Variants in UBXN7 observed in about 807,000 individuals in gnomAD.
UBXN7 encodes the protein UBX domain-containing protein 7.
Under a neutral mutation model 58.0 loss-of-function variants are expected in UBXN7, and 9 were observed. That is an observed-to-expected ratio of 0.16 (90% CI 0.09 to 0.27). The LOEUF is 0.27. Ranked by LOEUF, UBXN7 falls within the 10% of genes least tolerant of loss-of-function variation. The pLI is 1.00. For missense variants in UBXN7, 328 were observed against 599.6 expected, an observed-to-expected ratio of 0.55 and a Z score of 4.73; for synonymous variants, 208 against 205.0, an observed-to-expected ratio of 1.01 and a Z score of -0.12.
At chr3:196,432,138 GC>G in intron 1 of UBXN7, 188 bp downstream of exon 1, 1 of 756,754 alleles carries the variant, frequency 1.3e-6, no homozygotes, top group East Asian at 2.7e-5. Context: ...GGTATCGGGA[GC>G]GGGGGGGGGC....
intron 5 of UBXN7, among the ~76,000 whole-genome samples, chr3:196,380,182 G>A (rs1007139943): frequency 4.6e-5 from 7 of 151,918 alleles, no homozygotes; most frequent in Non-Finnish European, 8.8e-5. Context: ...CCTAGGAGGT[G>A]GAGCGTGCAG....
chr3:196,395,862 T>TTCAAGGCATTCTCCTGCC (rs1289442984), intron 3 of UBXN7, among the ~76,000 whole-genome samples: 3 of 151,944 alleles, frequency 2.0e-5, no homozygotes, highest in African/African-American at 7.3e-5. Flanking sequence ...GCCTCCCAGG[T>TTCAAGGCATTCTCCTGCC]TCAAGGCATT....
In UBXN7 at chr3:196,407,505, AGAAT is replaced by A. The variant is rs1330665212; in HGVS notation, c.74-116_74-113del. 11 of 1,389,532 alleles carry A rather than the reference AGAAT, an allele frequency of 7.9e-6. No homozygotes were observed. The South Asian group carries it at 9.5e-5, about 12-fold the overall frequency. 86.1% of individuals were successfully genotyped at this position (1,389,532 alleles called of 1,614,324 possible). On this transcript the variant is annotated intron_variant, in intron 1 of 10. Coordinates refer to ENST00000296328, the MANE Select transcript of UBXN7 (RefSeq NM_015562.2). The stretch of plus-strand genomic sequence containing the variant: ...TAAATTAATAGTATTTTTCCCTTTT[AGAAT>A]GAATGACTTTCTTGTGAAATACACA...
At chr3:196,371,779 A>C in intron 6 of UBXN7, 117 bp downstream of exon 6, 3 of 1,304,202 alleles carry the variant, frequency 2.3e-6, no homozygotes, top group Non-Finnish European at 2.0e-6. Flanking sequence ...TACTGCCCCC[A>C]GCCGGCTTTA....
At chr3:196,430,990 C>T (rs1444243623) in intron 1 of UBXN7, among the ~76,000 whole-genome samples, 1 of 152,124 alleles carries the variant, frequency 6.6e-6, no homozygotes, top group African/African-American at 2.4e-5. Flanking sequence ...TTACTTTGAC[C>T]TGATGTTCCA....
chr3:196,409,785 C>T (rs1476628141), intron 1 of UBXN7, among the ~76,000 whole-genome samples: 1 of 152,068 alleles, frequency 6.6e-6, no homozygotes, highest in African/African-American at 2.4e-5. Flanking sequence ...TGCTAAGGCC[C>T]CAAGCTTTCT....
chr3:196,353,456 C>CT lies in UBXN7; in HGVS notation c.*3228dup, dbSNP rs1164140126. ...CAATTTCAAAAAAGTATTCCTCTCA[C>CT]TTTTTTCCCACTAGTTTTCTTCTTC... is the stretch of plus-strand genomic sequence containing the variant. On this transcript the variant is annotated 3_prime_UTR_variant, in exon 11 of 11. Transcript: ENST00000296328. 1 of 151,202 alleles carries CT rather than the reference C, an allele frequency of 6.6e-6. No homozygotes were observed. Among genetic ancestry groups the CT allele is most frequent in the African/African-American group, 2.4e-5 (1 of 41,172 alleles). 9.4% of individuals were successfully genotyped at this position (151,202 alleles called of 1,614,324 possible).
chr3:196,425,360 T>C (rs1021601317), intron 1 of UBXN7, among the ~76,000 whole-genome samples: 1 of 151,760 alleles, frequency 6.6e-6, no homozygotes, highest in Non-Finnish European at 1.5e-5. Flanking sequence ...TCTTCTCCAT[T>C]ATAGCCAAGT....
chr3:196,375,001 AGGG>A, intron 5 of UBXN7, among the ~76,000 whole-genome samples: 1 of 80,970 alleles, frequency 1.2e-5, no homozygotes, highest in African/African-American at 5.0e-5. Flanking sequence ...GGAGGGAGGG[AGGG>A]AGGAAGGAAG....
intron 1 of UBXN7, among the ~76,000 whole-genome samples, chr3:196,411,229 C>G (rs1326146662): frequency 2.0e-5 from 3 of 152,172 alleles, no homozygotes; most frequent in Non-Finnish European, 4.4e-5. Context: ...TATCTCCCAG[C>G]ACCTGGCATC....
chr3:196,421,175 G>A (rs1032047103), intron 1 of UBXN7, among the ~76,000 whole-genome samples: 2 of 152,190 alleles, frequency 1.3e-5, no homozygotes, highest in African/African-American at 4.8e-5. Context: ...GAATTACTAA[G>A]TTAGGGGACA....
intron 3 of UBXN7, among the ~76,000 whole-genome samples, chr3:196,395,955 G>C (rs1403229211): frequency 6.6e-6 from 1 of 151,898 alleles, no homozygotes; most frequent in Non-Finnish European, 1.5e-5. Context: ...TAGTAGGGAG[G>C]GGGTTTCACC....
At position 196,348,664 on chromosome 3, in the gene UBXN7, C is replaced by T. The variant is rs1248862646; in HGVS notation, c.*8021G>A. 1.3e-5 allele frequency: 2 copies of T among 152,148 alleles called. No individual in the cohort carries two copies. Among genetic ancestry groups the T allele is most frequent in the African/African-American group, 4.8e-5 (2 of 41,418 alleles). The allele number at this position is 152,148 out of a possible 1,614,324, so 9.4% of individuals were successfully genotyped here. A position where few individuals can be genotyped will look rare whatever the true frequency, so the allele number is the denominator to read the frequency against. On this transcript the variant is annotated 3_prime_UTR_variant, in exon 11 of 11. Transcript: ENST00000296328. Reference sequence around the variant, plus strand: ...CAAGCCCCCAACCCACCCTCATCATCCCTATCCCCCTAGAAATTTCATTCC... The same window carrying T: ...CAAGCCCCCAACCCACCCTCATCATTCCTATCCCCCTAGAAATTTCATTCC...
rs1728300154 is a variant in UBXN7 at position 196,354,768 on chromosome 3, C to T, written c.*1917G>A. 6.6e-6 allele frequency: 1 copy of T among 151,990 alleles called. No homozygotes were observed. The highest frequency in any genetic ancestry group is 1.5e-5 in the Non-Finnish European group (1 of 68,008). The allele number at this position is 151,990 out of a possible 1,614,324, so 9.4% of individuals were successfully genotyped here. A position where few individuals can be genotyped will look rare whatever the true frequency, so the allele number is the denominator to read the frequency against. ...GCCTCAAGAACCTAAGAAAAAACACCAAAGTGTAAGTATTACTCAGTCACC... is the reference window on the plus strand; with the variant it reads ...GCCTCAAGAACCTAAGAAAAAACACTAAAGTGTAAGTATTACTCAGTCACC... On this transcript the variant is annotated 3_prime_UTR_variant, in exon 11 of 11. Coordinates refer to ENST00000296328, the MANE Select transcript of UBXN7 (RefSeq NM_015562.2).
At position 196,415,061 on chromosome 3, in the gene UBXN7, T is replaced by C. The variant is rs572077824; in HGVS notation, c.74-7668A>G. Among the ~76,000 whole-genome samples the C allele has an allele frequency of 7.2e-5, 11 of 152,200 alleles. No homozygotes were observed. In the South Asian group the frequency reaches 2.1e-3, roughly 29 times the overall value. On this transcript the variant is annotated intron_variant, in intron 1 of 10. Transcript: ENST00000296328. Reference sequence around the variant, plus strand: ...CAATTTCAAGACACATATGCTACCATATTCTTACTCATAAAACCTGAGGCT... The same window carrying C: ...CAATTTCAAGACACATATGCTACCACATTCTTACTCATAAAACCTGAGGCT...
chr3:196,367,225 T>C (rs577503781), intron 8 of UBXN7, among the ~76,000 whole-genome samples: 1 of 152,126 alleles, frequency 6.6e-6, no homozygotes, highest in Non-Finnish European at 1.5e-5. Context: ...AAACTATTTT[T>C]ATCCCTACTG....
intron 8 of UBXN7, among the ~76,000 whole-genome samples, chr3:196,367,124 A>C (rs1349711880): frequency 1.3e-5 from 2 of 151,992 alleles, no homozygotes; most frequent in Admixed American, 1.3e-4. Flanking sequence ...CGAAGGTTGC[A>C]GTGAGCCAAG....
intron 2 of UBXN7, among the ~76,000 whole-genome samples, chr3:196,406,011 G>T (rs1450940559): frequency 1.3e-5 from 2 of 151,658 alleles, no homozygotes; most frequent in African/African-American, 4.8e-5. Context: ...GTATTAGGTG[G>T]TTTTTTGTGT....
At chr3:196,401,265 AAAAAAAAAAATATAT>A (rs1381531261) in intron 3 of UBXN7, among the ~76,000 whole-genome samples, 14 of 89,838 alleles carry the variant, frequency 1.6e-4, no homozygotes, top group Non-Finnish European at 1.0e-4. Context: ...AAAAAAAAAA[AAAAAAAAAAATATAT>A]ATATATATAT....
Sources: gnomAD v4.1 joint callset for allele counts (sites outside exome capture counted in the v4.1 genomes callset) on GRCh38, gnomAD v4.1.1 for gene constraint, MANE v1.5 for transcripts, NCBI Gene and HGNC (gene_info 2026-07-23, HGNC 2026-07-21) for gene names.